The following KCNIP4 variants were observed in gnomAD, a reference collection of about 807,000 sequenced individuals.
The protein encoded by KCNIP4 is Kv channel-interacting protein 4.
Under a neutral mutation model 34.0 loss-of-function variants are expected in KCNIP4, and 12 were observed. The observed-to-expected ratio is 0.35, with a 90% CI of 0.23 to 0.57. The LOEUF (loss-of-function observed/expected upper bound fraction) is 0.57. KCNIP4 is among the 20% of genes least tolerant of loss of function. The pLI, the probability that KCNIP4 is intolerant of heterozygous loss-of-function variation, is 0.83. For missense variants in KCNIP4, 238 were observed against 311.7 expected (o/e 0.76, Z 1.78); for synonymous variants, 124 against 102.2 (o/e 1.21, Z -1.29).
At chr4:20,810,448 A>AG (rs1269004311) in intron 3 of KCNIP4, among the ~76,000 whole-genome samples, 2 of 120,832 alleles carry the variant, frequency 1.7e-5, no homozygotes, top group Admixed American at 1.9e-4. Context: ...AGTACAGGGC[A>AG]GGGGGGAGGA....
At chr4:20,964,883 A>G (rs1207864280) in intron 1 of KCNIP4, among the ~76,000 whole-genome samples, 1 of 152,176 alleles carries the variant, frequency 6.6e-6, no homozygotes, top group African/African-American at 2.4e-5. Flanking sequence ...ATTATGTTAG[A>G]AAATGTTTTG....
intron 3 of KCNIP4, among the ~76,000 whole-genome samples, chr4:20,847,386 A>G (rs1720506595): frequency 6.6e-6 from 1 of 152,138 alleles, no homozygotes; most frequent in Admixed American, 6.6e-5. Flanking sequence ...TGGAACTTGT[A>G]AAAAAGAAAA....
At chr4:21,731,516 A>C (rs528030617) in intron 1 of KCNIP4, among the ~76,000 whole-genome samples, 1 of 152,296 alleles carries the variant, frequency 6.6e-6, no homozygotes, top group African/African-American at 2.4e-5. Context: ...ATATATGGCA[A>C]ACAATATGCC....
intron 1 of KCNIP4, among the ~76,000 whole-genome samples, chr4:21,056,017 G>C (rs915205607): frequency 1.3e-5 from 2 of 152,148 alleles, no homozygotes; most frequent in African/African-American, 4.8e-5. Flanking sequence ...ACGTAAATAA[G>C]AGGAGAGGCT....
chr4:21,453,892 T>G (rs1303029279), intron 1 of KCNIP4, among the ~76,000 whole-genome samples: 1 of 152,098 alleles, frequency 6.6e-6, no homozygotes, highest in African/African-American at 2.4e-5. Context: ...TAAAGCACTG[T>G]CCTGTCACTC....
At chr4:21,137,516 A>G (rs17445725) in intron 1 of KCNIP4, among the ~76,000 whole-genome samples, 14,463 of 152,168 alleles carry the variant, frequency 0.095, 832 homozygotes, top group East Asian at 0.19. Context: ...TTTGATTCTA[A>G]TATTTATCAA....
chr4:20,880,461 AT>A (rs955677064), intron 2 of KCNIP4, among the ~76,000 whole-genome samples: 1 of 152,052 alleles, frequency 6.6e-6, no homozygotes, highest in Non-Finnish European at 1.5e-5. Flanking sequence ...GATTCTGATC[AT>A]TTTTTTAGTA....
At chr4:21,400,184 G>A (rs1183974652) in intron 1 of KCNIP4, among the ~76,000 whole-genome samples, 3 of 152,092 alleles carry the variant, frequency 2.0e-5, no homozygotes, top group Non-Finnish European at 2.9e-5. Context: ...ATTCCATTAG[G>A]CATTTGCAGA....
chr4:20,951,380 T>A (rs1001854897), intron 1 of KCNIP4, among the ~76,000 whole-genome samples: 1 of 152,186 alleles, frequency 6.6e-6, no homozygotes, highest in African/African-American at 2.4e-5. Flanking sequence ...TTTAAGAAAT[T>A]TGGTAGAAGT....
intron 1 of KCNIP4, among the ~76,000 whole-genome samples, chr4:21,753,973 G>A (rs951770890): frequency 2.0e-5 from 3 of 152,128 alleles, no homozygotes; most frequent in Non-Finnish European, 4.4e-5. Context: ...CTACAGCTTA[G>A]TTGTACTGAG....
At chr4:21,249,030 C>T (rs1760494048) in intron 1 of KCNIP4, among the ~76,000 whole-genome samples, 1 of 152,012 alleles carries the variant, frequency 6.6e-6, no homozygotes, top group African/African-American at 2.4e-5. Flanking sequence ...ATCTAGTGGA[C>T]AACATTTTTC....
chr4:20,836,413 T>G (rs758174795), intron 3 of KCNIP4, among the ~76,000 whole-genome samples: 2 of 152,208 alleles, frequency 1.3e-5, no homozygotes, highest in Admixed American at 1.3e-4. Flanking sequence ...GCCTGCTACA[T>G]CACTCAGATT....
chr4:21,123,612 A>T (rs1373319873), intron 1 of KCNIP4, among the ~76,000 whole-genome samples: 1 of 152,332 alleles, frequency 6.6e-6, no homozygotes, highest in South Asian at 2.1e-4. Context: ...ATGATATAAA[A>T]CCATTACATG....
chr4:20,869,965 T>C (rs1369782719), intron 2 of KCNIP4, among the ~76,000 whole-genome samples: 1 of 152,112 alleles, frequency 6.6e-6, no homozygotes, highest in Non-Finnish European at 1.5e-5. Context: ...GAGGTTGAAA[T>C]AAAATAATGT....
chr4:20,915,358 G>T (rs1347979876), intron 1 of KCNIP4, among the ~76,000 whole-genome samples: 1 of 152,150 alleles, frequency 6.6e-6, no homozygotes, highest in Non-Finnish European at 1.5e-5. Flanking sequence ...GGGAGGATGA[G>T]TTCCAGCAAA....
chr4:21,913,807 C>T (rs1578139035), intron 1 of KCNIP4, among the ~76,000 whole-genome samples: 1 of 152,098 alleles, frequency 6.6e-6, no homozygotes, highest in South Asian at 2.1e-4. Context: ...GGGTTATGTT[C>T]TGAGTGTAAC....
At chr4:21,676,762 A>G (rs1037119304) in intron 1 of KCNIP4, among the ~76,000 whole-genome samples, 2 of 152,210 alleles carry the variant, frequency 1.3e-5, no homozygotes, top group African/African-American at 2.4e-5. Flanking sequence ...GATGGGACTC[A>G]GTAAAGTTGG....
At chr4:21,218,791 T>G (rs1201468197) in intron 1 of KCNIP4, among the ~76,000 whole-genome samples, 1 of 152,114 alleles carries the variant, frequency 6.6e-6, no homozygotes, top group African/African-American at 2.4e-5. Flanking sequence ...AAACCTAAAC[T>G]TAGGGATTTT....
chr4:20,767,985 A>C (rs1024703025), intron 3 of KCNIP4, among the ~76,000 whole-genome samples: 8 of 152,252 alleles, frequency 5.3e-5, no homozygotes, highest in African/African-American at 1.9e-4. Context: ...TCTATCAGTT[A>C]AAATAGTATT....
Sources: gnomAD v4.1 joint callset for allele counts (sites outside exome capture counted in the v4.1 genomes callset) on GRCh38, gnomAD v4.1.1 for gene constraint, MANE v1.5 for transcripts, NCBI Gene and HGNC (gene_info 2026-07-23, HGNC 2026-07-21) for gene names.